The following DLG2 variants were observed in gnomAD, a reference collection of about 807,000 sequenced individuals.
DLG2 encodes the protein discs large MAGUK scaffold protein 2, also known as disks large homolog 2.
Under a neutral mutation model 132.5 loss-of-function variants are expected in DLG2, and 45 were observed. That is an observed-to-expected ratio of 0.34 (90% CI 0.27 to 0.44). DLG2 has a LOEUF of 0.44. Ranked by LOEUF, DLG2 falls within the 20% of genes least tolerant of loss-of-function variation. The pLI is 1.00. For synonymous variants in DLG2, 424 were observed against 419.6 expected (o/e 1.01, Z -0.13); for missense variants, 1,045 against 1,196.9 (o/e 0.87, Z 1.87).
At chr11:85,328,693 C>T (rs2081538615) in intron 3 of DLG2, among the ~76,000 whole-genome samples, 1 of 151,404 alleles carries the variant, frequency 6.6e-6, no homozygotes, top group Non-Finnish European at 1.5e-5. Context: ...AAACTGGAAG[C>T]ATTCCCTTTG....
intron 6 of DLG2, among the ~76,000 whole-genome samples, chr11:85,063,440 ATCT>A (rs2064403681): frequency 2.0e-5 from 3 of 151,838 alleles, no homozygotes; most frequent in Non-Finnish European, 1.5e-5. Context: ...GGAGCAGTAA[ATCT>A]TCTACACAGA....
intron 7 of DLG2, among the ~76,000 whole-genome samples, chr11:84,329,007 A>C (rs2098446448): frequency 6.6e-6 from 1 of 152,234 alleles, no homozygotes; most frequent in African/African-American, 2.4e-5. Context: ...TGCAGGGCAG[A>C]AAGACTTTGA....
intron 5 of DLG2, among the ~76,000 whole-genome samples, chr11:85,121,978 G>A (rs916039899): frequency 2.0e-5 from 3 of 152,036 alleles, no homozygotes; most frequent in Non-Finnish European, 4.4e-5. Context: ...ATGTATGTAT[G>A]TGTGTGTGTA....
chr11:83,762,522 A>G (rs1354953136), intron 18 of DLG2, among the ~76,000 whole-genome samples: 1 of 152,130 alleles, frequency 6.6e-6, no homozygotes, highest in Admixed American at 6.5e-5. Context: ...TGAGTTTGGG[A>G]ATTGTAGTAA....
At chr11:85,588,521 GA>G (rs1416069669) in intron 3 of DLG2, among the ~76,000 whole-genome samples, 1 of 152,078 alleles carries the variant, frequency 6.6e-6, no homozygotes, top group Non-Finnish European at 1.5e-5. Flanking sequence ...TTCACTTCCA[GA>G]AGTTGTGATT....
chr11:84,377,831 A>T (rs77056013), intron 7 of DLG2, among the ~76,000 whole-genome samples: 1 of 152,184 alleles, frequency 6.6e-6, no homozygotes, highest in African/African-American at 2.4e-5. Flanking sequence ...AAATAAATCC[A>T]GAGGTGGAAC....
intron 6 of DLG2, among the ~76,000 whole-genome samples, chr11:84,723,365 C>A (rs1411669954): frequency 1.3e-5 from 2 of 152,258 alleles, no homozygotes; most frequent in Non-Finnish European, 2.9e-5. Flanking sequence ...AAATATAAAA[C>A]AAAATGTATA....
At chr11:84,215,404 C>T (rs1360372238) in intron 8 of DLG2, among the ~76,000 whole-genome samples, 1 of 151,780 alleles carries the variant, frequency 6.6e-6, no homozygotes, top group Non-Finnish European at 1.5e-5. Context: ...AAAATTAACA[C>T]CTAAATTTCA....
intron 6 of DLG2, among the ~76,000 whole-genome samples, chr11:84,860,674 T>C (rs1387577726): frequency 6.6e-6 from 1 of 152,124 alleles, no homozygotes; most frequent in African/African-American, 2.4e-5. Context: ...ATAACACACA[T>C]AGGTAGACCA....
intron 3 of DLG2, among the ~76,000 whole-genome samples, chr11:85,393,251 T>C (rs1179018304): frequency 6.6e-6 from 1 of 152,038 alleles, no homozygotes; most frequent in African/African-American, 2.4e-5. Flanking sequence ...ACCAAGGAAA[T>C]GCAAATCAAA....
At chr11:83,611,019 C>T (rs537389811) in intron 19 of DLG2, among the ~76,000 whole-genome samples, 4 of 152,238 alleles carry the variant, frequency 2.6e-5, no homozygotes, top group African/African-American at 9.6e-5. Flanking sequence ...TAAAAATTAA[C>T]ACAAAAACAT....
In DLG2 at chr11:84,922,247, T is replaced by C. The variant is rs2092790116; in HGVS notation, c.357+189414A>G. Among the ~76,000 whole-genome samples, 6 of 152,050 alleles carry C rather than the reference T, an allele frequency of 3.9e-5. No individual in the cohort carries two copies. In the South Asian group the frequency reaches 1.2e-3, roughly 32 times the overall value. ...CTTAATTATTTTTTCTCAAAGGCAA[T>C]CACTTTCCTTTTGGACTTCTTTCTC... On this transcript the variant is annotated intron_variant, in intron 6 of 27. Coordinates refer to ENST00000376104, the MANE Select transcript of DLG2 (RefSeq NM_001142699.3).
chr11:83,462,761 T>C (rs890677037), intron 26 of DLG2, among the ~76,000 whole-genome samples: 4 of 152,222 alleles, frequency 2.6e-5, no homozygotes, highest in Admixed American at 2.0e-4. Context: ...ACACATTGTA[T>C]ACAGGTATTA....
chr11:84,752,564 C>CTTTTT (rs370347853), intron 6 of DLG2, among the ~76,000 whole-genome samples: 2 of 127,496 alleles, frequency 1.6e-5, no homozygotes, highest in African/African-American at 5.6e-5. Context: ...TTTTCTTTTT[C>CTTTTT]TTTTTTTTTT....
chr11:84,292,712 G>A (rs918728921), intron 7 of DLG2, among the ~76,000 whole-genome samples: 8 of 151,998 alleles, frequency 5.3e-5, no homozygotes, highest in Non-Finnish European at 8.8e-5. Context: ...GTTTAGATGC[G>A]AGAAATTACA....
chr11:83,824,252 A>C (rs767265674), intron 17 of DLG2, among the ~76,000 whole-genome samples: 5 of 152,092 alleles, frequency 3.3e-5, no homozygotes, highest in Non-Finnish European at 7.4e-5. Flanking sequence ...AATCCTTCTT[A>C]CTTCCCCAGG....
chr11:83,903,453 T>C (rs1013507995), intron 15 of DLG2, among the ~76,000 whole-genome samples: 3 of 152,164 alleles, frequency 2.0e-5, no homozygotes, highest in African/African-American at 7.2e-5. Flanking sequence ...GAAGTTCTTA[T>C]GGTTTTATAA....
chr11:84,933,727 G>T (rs1369357016), intron 6 of DLG2, among the ~76,000 whole-genome samples: 1 of 152,188 alleles, frequency 6.6e-6, no homozygotes, highest in African/African-American at 2.4e-5. Context: ...CTGAGACTTT[G>T]CTGAAGTTGT....
At chr11:84,166,625 T>G (rs1332724830) in intron 8 of DLG2, among the ~76,000 whole-genome samples, 4 of 152,152 alleles carry the variant, frequency 2.6e-5, no homozygotes, top group Admixed American at 6.5e-5. Flanking sequence ...AAATAAGGAT[T>G]TAAATACTTA....
Sources: gnomAD v4.1 joint callset for allele counts (sites outside exome capture counted in the v4.1 genomes callset) on GRCh38, gnomAD v4.1.1 for gene constraint, MANE v1.5 for transcripts, NCBI Gene and HGNC (gene_info 2026-07-23, HGNC 2026-07-21) for gene names.